The following STX8 variants were observed in gnomAD, a reference collection of about 807,000 sequenced individuals.
STX8 encodes the protein syntaxin 8, also known as syntaxin-8.
Under a neutral mutation model 37.5 loss-of-function variants are expected in STX8, and 23 were observed. The observed-to-expected ratio is 0.61, with a 90% confidence interval of 0.44 to 0.87. STX8 has a LOEUF of 0.87. Among genes scored for constraint, STX8 ranks in the 40% least tolerant of loss-of-function variants. The pLI, the probability that STX8 is intolerant of heterozygous loss-of-function variation, is 0.00. For synonymous variants in STX8, 115 were observed against 99.1 expected, an observed-to-expected ratio of 1.16 and a Z score of -0.95; for missense variants, 313 against 284.7, an observed-to-expected ratio of 1.10 and a Z score of -0.71.
chr17:9,457,140 C>T (rs974423686), intron 6 of STX8, among the ~76,000 whole-genome samples: 1 of 152,174 alleles, frequency 6.6e-6, no homozygotes, highest in Non-Finnish European at 1.5e-5. Context: ...CTTTCCATCT[C>T]GTTACTAGTT....
At chr17:9,568,935 A>C (rs1655116878) in intron 1 of STX8, among the ~76,000 whole-genome samples, 1 of 152,238 alleles carries the variant, frequency 6.6e-6, no homozygotes, top group Non-Finnish European at 1.5e-5. Context: ...ACCATGTGCC[A>C]GGCACTATTT....
intron 7 of STX8, among the ~76,000 whole-genome samples, chr17:9,376,360 GCT>G (rs1290661647): frequency 3.3e-5 from 5 of 152,034 alleles, no homozygotes; most frequent in South Asian, 4.2e-4. Context: ...ACCAATCAGT[GCT>G]CTGTGTCTAG....
chr17:9,376,581 T>G (rs906667982), intron 7 of STX8, among the ~76,000 whole-genome samples: 21 of 152,220 alleles, frequency 1.4e-4, no homozygotes, highest in Admixed American at 1.2e-3. Context: ...CCTTACATGC[T>G]GTGGAAGCTT....
At chr17:9,511,415 T>C (rs1392470280) in intron 4 of STX8, among the ~76,000 whole-genome samples, 1 of 152,074 alleles carries the variant, frequency 6.6e-6, no homozygotes, top group Non-Finnish European at 1.5e-5. Context: ...CATGATCAAG[T>C]GGAATTTATC....
chr17:9,300,328 T>A (rs1244704359), intron 7 of STX8, among the ~76,000 whole-genome samples: 2 of 49,884 alleles, frequency 4.0e-5, no homozygotes, highest in East Asian at 5.6e-4. Context: ...CGAAACTCCA[T>A]CTCAAAAAAA....
chr17:9,253,540 G>C (rs1336465446), intron 7 of STX8, among the ~76,000 whole-genome samples: 1 of 152,084 alleles, frequency 6.6e-6, no homozygotes, highest in African/African-American at 2.4e-5. Flanking sequence ...GAATGAGGAG[G>C]CAGGCACAGG....
At chr17:9,525,012 T>C (rs1421684491) in intron 4 of STX8, among the ~76,000 whole-genome samples, 1 of 152,182 alleles carries the variant, frequency 6.6e-6, no homozygotes, top group Non-Finnish European at 1.5e-5. Context: ...TTTCACCATG[T>C]TGCCCAAGCT....
At chr17:9,462,730 A>T (rs1488795281) in intron 6 of STX8, among the ~76,000 whole-genome samples, 1 of 152,182 alleles carries the variant, frequency 6.6e-6, no homozygotes, top group African/African-American at 2.4e-5. Flanking sequence ...CTCAACAACG[A>T]AATAATTTCC....
At chr17:9,317,172 C>A (rs1165905555) in intron 7 of STX8, among the ~76,000 whole-genome samples, 1 of 152,008 alleles carries the variant, frequency 6.6e-6, no homozygotes, top group East Asian at 1.9e-4. Context: ...ATGAAGAGAA[C>A]TGAAAAAGAA....
rs201998245 is a variant in STX8, at chr17:9,570,535, C to CAT, written c.18-2067_18-2066dup. ...TCGTATATGTCACATGTATATCATT[C>CAT]ATATATATATATTCATGTATTTGTG... On this transcript the variant is annotated intron_variant, in intron 1 of 7. Transcript: ENST00000306357. Among the ~76,000 whole-genome samples the CAT allele has an allele frequency of 6.0e-3, 912 of 151,536 alleles. 9 individuals are homozygous for CAT. The highest frequency in any genetic ancestry group is 0.021 in the African/African-American group (868 of 41,270).
intron 6 of STX8, among the ~76,000 whole-genome samples, chr17:9,421,161 G>A (rs1428289455): frequency 6.6e-6 from 1 of 152,046 alleles, no homozygotes; most frequent in African/African-American, 2.4e-5. Flanking sequence ...GGGAGGCCGA[G>A]GCGGGCGGAT....
At chr17:9,469,463 A>G (rs2142434531) in intron 6 of STX8, among the ~76,000 whole-genome samples, 1 of 152,254 alleles carries the variant, frequency 6.6e-6, no homozygotes, top group East Asian at 1.9e-4. Context: ...GGTATTAGTC[A>G]GTTACATGTT....
intron 7 of STX8, among the ~76,000 whole-genome samples, chr17:9,255,600 G>A (rs1310886384): frequency 6.6e-6 from 1 of 151,306 alleles, no homozygotes; most frequent in Non-Finnish European, 1.5e-5. Context: ...AAATGAACTT[G>A]AGTGATGGAC....
At chr17:9,372,816 A>G (rs1227267201) in intron 7 of STX8, among the ~76,000 whole-genome samples, 1 of 150,048 alleles carries the variant, frequency 6.7e-6, no homozygotes, top group Admixed American at 6.6e-5. Context: ...AAAATACTGA[A>G]AAGTGGGCCA....
In STX8 at chr17:9,311,039, C is replaced by T. The variant is rs534942427; in HGVS notation, c.644-60394G>A. On this transcript the variant is annotated intron_variant, in intron 7 of 7. Coordinates refer to ENST00000306357, the MANE Select transcript of STX8 (RefSeq NM_004853.3). ...GGATCCCAAGGTCAGGAGTTCGAGA[C>T]CAGCCTGACCCACGTGGTGAAACCG... Among the ~76,000 whole-genome samples the T allele has an allele frequency of 1.2e-4, 19 of 152,134 alleles. No homozygotes were observed. In the South Asian group the frequency reaches 1.7e-3, roughly 13 times the overall value.
intron 7 of STX8, among the ~76,000 whole-genome samples, chr17:9,332,072 T>C (rs1205442175): frequency 6.6e-6 from 1 of 152,176 alleles, no homozygotes; most frequent in African/African-American, 2.4e-5. Context: ...AGGAGAATAA[T>C]GGCGATATTA....
chr17:9,551,281 C>A (rs1423657761), intron 3 of STX8, among the ~76,000 whole-genome samples: 1 of 152,080 alleles, frequency 6.6e-6, no homozygotes, highest in Non-Finnish European at 1.5e-5. Context: ...CAGGCCAAGT[C>A]CTTACCTTCC....
chr17:9,328,191 C>CA (rs1909840851), intron 7 of STX8, among the ~76,000 whole-genome samples: 1 of 152,030 alleles, frequency 6.6e-6, no homozygotes. Flanking sequence ...CCAGCTCTTA[C>CA]ACAGAAAGGT....
intron 7 of STX8, among the ~76,000 whole-genome samples, chr17:9,309,453 G>A (rs1472919015): frequency 2.6e-5 from 4 of 152,058 alleles, no homozygotes; most frequent in African/African-American, 4.8e-5. Context: ...CTTGCAATGC[G>A]GTGGGAGGGG....
Sources: allele counts gnomAD v4.1 joint callset (sites outside exome capture counted in the v4.1 genomes callset), GRCh38; gene constraint gnomAD v4.1.1; transcripts MANE v1.5; gene names NCBI Gene and HGNC (gene_info 2026-07-23, HGNC 2026-07-21).